The following FCHSD2 variants were observed in gnomAD, a reference collection of about 807,000 sequenced individuals.
FCHSD2 encodes FCH and double SH3 domains 2, also known as F-BAR and double SH3 domains protein 2.
In FCHSD2, 38 loss-of-function variants were observed where a neutral mutation model predicts 108.1. That is an observed-to-expected ratio of 0.35 (90% CI 0.27 to 0.46). The LOEUF is 0.46. FCHSD2 is among the 20% of genes least tolerant of loss of function. The pLI, the probability that FCHSD2 is intolerant of heterozygous loss-of-function variation, is 1.00. For missense variants in FCHSD2, 751 were observed against 897.8 expected (o/e 0.84, Z 2.09); for synonymous variants, 279 against 314.7 (o/e 0.89, Z 1.20).
rs186547003 is a variant in FCHSD2 at position 73,073,748 on chromosome 11, T to A, written c.165+9947A>T. On this transcript the variant is annotated intron_variant, in intron 3 of 19. Transcript: ENST00000409418. ...TTTTCCAGTTGGCCATAATGCCATATAAGTGGCTTTGAAGAGAAAGAAGTT... is the reference window on the plus strand; with the variant it reads ...TTTTCCAGTTGGCCATAATGCCATAAAAGTGGCTTTGAAGAGAAAGAAGTT... Among the ~76,000 whole-genome samples, 3 of 152,342 alleles carry A rather than the reference T, an allele frequency of 2.0e-5. No individual in the cohort carries two copies. In the East Asian group the frequency reaches 5.8e-4, roughly 29 times the overall value.
At chr11:72,914,704 C>G (rs1297738314) in intron 9 of FCHSD2, among the ~76,000 whole-genome samples, 2 of 152,114 alleles carry the variant, frequency 1.3e-5, no homozygotes, top group African/African-American at 2.4e-5. Context: ...AAACTGGACC[C>G]CTTCCTTACA....
intron 10 of FCHSD2, among the ~76,000 whole-genome samples, chr11:72,896,764 TAA>T (rs58159831): frequency 2.6e-3 from 175 of 68,402 alleles, no homozygotes; most frequent in African/African-American, 4.5e-3. Flanking sequence ...GGGAAAATAC[TAA>T]AAAAAAAAAA....
intron 8 of FCHSD2, chr11:72,940,856 G>A (rs1008415533): frequency 2.2e-6 from 2 of 916,416 alleles, no homozygotes; most frequent in African/African-American, 1.6e-5. Flanking sequence ...AATTCTTATT[G>A]GGTTGGTGAA....
intron 2 of FCHSD2, among the ~76,000 whole-genome samples, chr11:73,127,176 T>A (rs1243564559): frequency 6.6e-6 from 1 of 152,230 alleles, no homozygotes; most frequent in East Asian, 1.9e-4. Flanking sequence ...ACCACAGACA[T>A]GGTAACACTT....
intron 13 of FCHSD2, among the ~76,000 whole-genome samples, chr11:72,856,017 C>T (rs1861419097): frequency 6.6e-6 from 1 of 152,170 alleles, no homozygotes; most frequent in African/African-American, 2.4e-5. Context: ...GCTGCTTTTT[C>T]CCATATTCAA....
intron 2 of FCHSD2, among the ~76,000 whole-genome samples, chr11:73,106,015 T>C (rs1305520718): frequency 6.6e-6 from 1 of 152,206 alleles, no homozygotes; most frequent in Non-Finnish European, 1.5e-5. Context: ...CCAGAATTAT[T>C]CAGAATCATA....
rs1409134696 is a variant in FCHSD2, at chr11:72,964,965, AT to A, written c.705+19122del. 1.4e-4 allele frequency among the ~76,000 whole-genome samples: 22 copies of A among 151,796 alleles called. No individual in the cohort carries two copies. The East Asian group carries it at 4.1e-3, about 28-fold the overall frequency. On this transcript the variant is annotated intron_variant, in intron 8 of 19. Coordinates refer to ENST00000409418, the MANE Select transcript of FCHSD2 (RefSeq NM_014824.3). ...CCACCACACCCGGCTAATTTTTTGT[AT>A]TTTTAGTAGAGACGGGGTTTCACTG...
At chr11:73,000,665 G>C (rs1015534321) in intron 5 of FCHSD2, among the ~76,000 whole-genome samples, 2 of 152,092 alleles carry the variant, frequency 1.3e-5, no homozygotes, top group Admixed American at 6.6e-5. Context: ...TAATAACCTT[G>C]TAACTATTCT....
intron 3 of FCHSD2, among the ~76,000 whole-genome samples, chr11:73,043,745 GTGTT>G (rs1858694377): frequency 6.6e-6 from 1 of 152,174 alleles, no homozygotes; most frequent in Admixed American, 6.5e-5. Flanking sequence ...GATATGATAT[GTGTT>G]ACATTCAGTT....
chr11:73,089,979 G>T (rs1173413211), intron 2 of FCHSD2, among the ~76,000 whole-genome samples: 1 of 151,944 alleles, frequency 6.6e-6, no homozygotes, highest in Admixed American at 6.6e-5. Flanking sequence ...CTTGGTAATG[G>T]AACATAAGTA....
At chr11:73,050,365 C>G (rs17310277) in intron 3 of FCHSD2, among the ~76,000 whole-genome samples, 6,822 of 152,030 alleles carry the variant, frequency 0.045, 218 homozygotes, top group Non-Finnish European at 0.067. Context: ...GTGAAAAAGA[C>G]GTATTTAGAT....
At chr11:72,927,619 A>C (rs1178450967) in intron 8 of FCHSD2, among the ~76,000 whole-genome samples, 1 of 152,242 alleles carries the variant, frequency 6.6e-6, no homozygotes, top group Non-Finnish European at 1.5e-5. Flanking sequence ...CTGATTCAGC[A>C]GGCTGAAGAT....
At chr11:72,876,407 A>G (rs1274638663) in intron 12 of FCHSD2, among the ~76,000 whole-genome samples, 1 of 152,244 alleles carries the variant, frequency 6.6e-6, no homozygotes, top group African/African-American at 2.4e-5. Context: ...TTTGCCATAA[A>G]GTTTGGGATG....
chr11:73,062,940 C>T (rs1352746016), intron 3 of FCHSD2, among the ~76,000 whole-genome samples: 1 of 152,098 alleles, frequency 6.6e-6, no homozygotes, highest in African/African-American at 2.4e-5. Flanking sequence ...ACATAGAACA[C>T]CACAAAGATA....
At chr11:73,069,279 C>A (rs1006465093) in intron 3 of FCHSD2, among the ~76,000 whole-genome samples, 1 of 143,600 alleles carries the variant, frequency 7.0e-6, no homozygotes, top group Non-Finnish European at 1.5e-5. Context: ...CCACTGCACT[C>A]CAGCCTGGGT....
chr11:73,103,364 A>G (rs1410492502), intron 2 of FCHSD2, among the ~76,000 whole-genome samples: 1 of 152,230 alleles, frequency 6.6e-6, no homozygotes, highest in Non-Finnish European at 1.5e-5. Flanking sequence ...CTGAAATAAA[A>G]AAAATTACTT....
chr11:73,076,871 G>A (rs1416064114), intron 3 of FCHSD2, among the ~76,000 whole-genome samples: 1 of 152,068 alleles, frequency 6.6e-6, no homozygotes, highest in African/African-American at 2.4e-5. Flanking sequence ...AACACTTTGG[G>A]AGGCCAAGAT....
chr11:73,090,794 A>G (rs1172984417), intron 2 of FCHSD2, among the ~76,000 whole-genome samples: 2 of 152,204 alleles, frequency 1.3e-5, no homozygotes, highest in Non-Finnish European at 2.9e-5. Context: ...TATACAATCA[A>G]CTGTTTTAAA....
intron 8 of FCHSD2, among the ~76,000 whole-genome samples, chr11:72,934,823 T>C (rs570827628): frequency 2.2e-3 from 335 of 152,308 alleles, no homozygotes; most frequent in Non-Finnish European, 3.9e-3. Flanking sequence ...TTTTTGACTA[T>C]TGGACACAAA....
Sources: gnomAD v4.1 joint callset for allele counts (sites outside exome capture counted in the v4.1 genomes callset) on GRCh38, gnomAD v4.1.1 for gene constraint, MANE v1.5 for transcripts, NCBI Gene and HGNC (gene_info 2026-07-23, HGNC 2026-07-21) for gene names.